Variants in LSS observed in about 807,000 individuals in gnomAD.
LSS encodes the protein lanosterol synthase, also known as 2,3-epoxysqualene-lanosterol cyclase.
In LSS, 90 loss-of-function variants were observed where a neutral mutation model predicts 110.3. The observed-to-expected ratio is 0.82, with a 90% CI of 0.69 to 0.97. LSS has a LOEUF of 0.97. Among genes scored for constraint, LSS ranks in the 50% least tolerant of loss-of-function variants. The pLI, the probability that LSS is intolerant of heterozygous loss-of-function variation, is 0.00. For missense variants in LSS, 927 were observed against 990.0 expected, an observed-to-expected ratio of 0.94 and a Z score of 0.85; for synonymous variants, 433 against 400.0, an observed-to-expected ratio of 1.08 and a Z score of -0.98.
chr21:46,209,201 C>A lies in LSS; in HGVS notation c.1266+353G>T, dbSNP rs1477183689. Among the ~76,000 whole-genome samples the A allele has an allele frequency of 6.6e-6, 1 of 152,132 alleles. No homozygotes were observed. Among genetic ancestry groups the A allele is most frequent in the Non-Finnish European group, 1.5e-5 (1 of 68,010 alleles). ...CACAGGCTGGCGTCACCTCCATGGG[C>A]AGAAGGTGCTTCAGAGACATGGAGG... On this transcript the variant is annotated intron_variant, in intron 13 of 21. Transcript: ENST00000397728. This position sits in a 1 kb window ranked among gnomAD's most constrained non-coding sequence, Gnocchi z 4.4.
At chr21:46,220,207 A>G (rs2080257167) in intron 5 of LSS, 1 of 152,360 alleles carries the variant, frequency 6.6e-6, no homozygotes, top group East Asian at 1.9e-4. Flanking sequence ...AAAGACCCAC[A>G]AAGCTACTAG....
intron 16 of LSS, among the ~76,000 whole-genome samples, chr21:46,206,202 C>T (rs989292922): frequency 6.6e-5 from 10 of 152,202 alleles, no homozygotes; most frequent in African/African-American, 2.2e-4. Flanking sequence ...ACCAGGAAGG[C>T]GGGTATGTGA....
chr21:46,213,084 A>C (rs1302328100), intron 10 of LSS, 32 bp from the exon 11 acceptor site: 1 of 1,611,230 alleles, frequency 6.2e-7, no homozygotes, highest in Non-Finnish European at 8.5e-7. Context: ...AGTCAGGTGC[A>C]AGGAGAAAGC....
Position 46,191,131 on chromosome 21 carries a change from A to G in LSS, c.2172T>C (p.Pro724=). ...WALGRFSQLY[P]ERALAGHP ...AGGGGTGGCCAGCAAGGGCTCTCTC[A>G]GGGTACAGCTGGGAGAAGCGGCCGA... The change falls in exon 22 of 22, where the codon CCT becomes CCC. Residue 724 remains proline (P), a synonymous_variant. Transcript: ENST00000397728. The G allele has an allele frequency of 1.2e-6, 2 of 1,614,176 alleles. No individual in the cohort carries two copies. The highest frequency in any genetic ancestry group is 1.1e-5 in the South Asian group (1 of 91,086).
At chr21:46,210,870 C>T (rs2080120603) in intron 11 of LSS, 126 bp from the exon 12 acceptor site, 1 of 860,170 alleles carries the variant, frequency 1.2e-6, no homozygotes, top group Non-Finnish European at 1.9e-6. Flanking sequence ...CGCTCAGCCT[C>T]AGGCTCTGAG....
intron 14 of LSS, 23 bp from the exon 15 acceptor site, chr21:46,207,600 C>G: frequency 6.2e-7 from 1 of 1,603,258 alleles, no homozygotes; most frequent in Non-Finnish European, 8.5e-7. Flanking sequence ...AGCCATGACT[C>G]CAGGCTGGGG....
chr21:46,194,240 G>T (rs973166396), intron 20 of LSS, among the ~76,000 whole-genome samples: 20 of 152,194 alleles, frequency 1.3e-4, no homozygotes, highest in Non-Finnish European at 2.5e-4. Context: ...CACTGACATG[G>T]CTAATGGTGG....
At chr21:46,191,361 A>C in intron 21 of LSS, 126 bp from the exon 22 acceptor site, 2 of 1,029,652 alleles carry the variant, frequency 1.9e-6, no homozygotes, top group Non-Finnish European at 2.9e-6. Context: ...GGGCTAATTA[A>C]GCAAGAGCAT....
At chr21:46,213,676 C>A (rs1010075289) in intron 10 of LSS, 62 bp downstream of exon 10, 98 of 1,454,740 alleles carry the variant, frequency 6.7e-5, no homozygotes, top group Non-Finnish European at 8.7e-5. Flanking sequence ...CACTGGGATG[C>A]AGCTGGGGCT....
intron 17 of LSS, among the ~76,000 whole-genome samples, chr21:46,204,220 C>T (rs762710282): frequency 2.0e-5 from 3 of 152,102 alleles, no homozygotes; most frequent in East Asian, 1.9e-4. Context: ...GCTTGAACCC[C>T]GGAAACGGAG....
chr21:46,190,231 G>A lies in LSS; in HGVS notation c.*873C>T, dbSNP rs996343179. ...CTGCCCCTCACCCCTGGTTATGCTC[G>A]GCCTCCCCTGTGCATTTCTGTGTCC... is the stretch of plus-strand genomic sequence containing the variant. On this transcript the variant is annotated 3_prime_UTR_variant, in exon 22 of 22. Transcript: ENST00000397728. This position sits in a 1 kb window ranked among gnomAD's most constrained non-coding sequence, Gnocchi z 4.6. The A allele has an allele frequency of 7.3e-5, 13 of 177,284 alleles. No individual in the cohort carries two copies. Among genetic ancestry groups the A allele is most frequent in the Admixed American group, 2.7e-4 (5 of 18,472 alleles). 11.0% of individuals were successfully genotyped at this position (177,284 alleles called of 1,614,324 possible).
intron 17 of LSS, among the ~76,000 whole-genome samples, chr21:46,202,461 A>C (rs2079992189): frequency 6.6e-6 from 1 of 152,052 alleles, no homozygotes; most frequent in South Asian, 2.1e-4. Flanking sequence ...TAACCATTTA[A>C]AAGTTAAAAA....
In LSS at chr21:46,189,458, C is replaced by T. The variant is rs2079773477; in HGVS notation, c.*1646G>A. On this transcript the variant is annotated 3_prime_UTR_variant, in exon 22 of 22. Transcript: ENST00000397728. The stretch of plus-strand genomic sequence containing the variant: ...TAAGATGTGCAGGGAAGTGTTGACA[C>T]TGAACAGGCAGCTGACCAAGCCCTG... 2.9e-6 allele frequency: 1 copy of T among 344,694 alleles called. No individual in the cohort carries two copies. Among genetic ancestry groups the T allele is most frequent in the Admixed American group, 4.0e-5 (1 of 25,068 alleles). 21.4% of individuals were successfully genotyped at this position (344,694 alleles called of 1,614,324 possible).
At chr21:46,204,513 T>C (rs1344599888) in intron 17 of LSS, among the ~76,000 whole-genome samples, 4 of 151,416 alleles carry the variant, frequency 2.6e-5, no homozygotes, top group Non-Finnish European at 4.4e-5. Context: ...TGAGTGGAAA[T>C]GGGAAGACTC....
chr21:46,227,690 T>A lies in LSS; in HGVS notation c.181A>T (p.Lys61Ter). 1 of 1,600,308 alleles carries A rather than the reference T, an allele frequency of 6.2e-7. No individual in the cohort carries two copies. Among genetic ancestry groups the A allele is most frequent in the South Asian group, 1.1e-5 (1 of 89,976 alleles). Residue 61 changes from lysine to a stop codon, truncating the protein, a stop_gained and splice_region_variant, in exon 3 of 22, where the codon AAG becomes TAG. Coordinates refer to ENST00000397728, the MANE Select transcript of LSS (RefSeq NM_002340.6). LOFTEE classifies it high-confidence loss of function. ...TTGGGCAAGTCCTTAAAGTAATTCTTCTGCAAAGAGATCGAAAAAAAAAAA... is the reference window on the plus strand; with the variant it reads ...TTGGGCAAGTCCTTAAAGTAATTCTACTGCAAAGAGATCGAAAAAAAAAAA... Reference protein sequence around the residue: ...LEAYALGLDTKNYFKDLPKAH... With the variant: ...LEAYALGLDT
intron 3 of LSS, chr21:46,224,857 T>A (rs948585678): frequency 8.4e-6 from 1 of 119,746 alleles, no homozygotes. Context: ...ACGCCTGTAA[T>A]CCCAGCACTT....
At chr21:46,223,847 C>A (rs1420545743) in intron 3 of LSS, among the ~76,000 whole-genome samples, 1 of 152,190 alleles carries the variant, frequency 6.6e-6, no homozygotes, top group Admixed American at 6.5e-5. Flanking sequence ...TGGGAAGACG[C>A]CCGTTGCCGA....
intron 17 of LSS, among the ~76,000 whole-genome samples, chr21:46,197,853 G>T (rs1203350617): frequency 6.6e-6 from 1 of 150,634 alleles, no homozygotes; most frequent in Non-Finnish European, 1.5e-5. Flanking sequence ...TGTGCCACTG[G>T]ACTCCAGCCT....
In LSS at chr21:46,188,690, TC is replaced by T; in HGVS notation, c.*2413del. The T allele has an allele frequency of 2.1e-6, 1 of 470,884 alleles. No homozygotes were observed. Among genetic ancestry groups the T allele is most frequent in the South Asian group, 1.5e-5 (1 of 64,534 alleles). The allele number at this position is 470,884 out of a possible 1,614,324, so 29.2% of individuals were successfully genotyped here. A position where few individuals can be genotyped will look rare whatever the true frequency, so the allele number is the denominator to read the frequency against. On this transcript the variant is annotated 3_prime_UTR_variant, in exon 22 of 22. Transcript: ENST00000397728. ...CGTGGAACAGGAAAAATACACTCCC[TC>T]TAAACAATGGATTGAACACAGATGT...
Sources: allele counts gnomAD v4.1 joint callset (sites outside exome capture counted in the v4.1 genomes callset), GRCh38; gene constraint gnomAD v4.1.1; non-coding constraint Gnocchi (gnomAD v3.1); transcripts MANE v1.5; gene names NCBI Gene and HGNC (gene_info 2026-07-23, HGNC 2026-07-21).